The following IQCM variants were observed in gnomAD, a reference collection of about 807,000 sequenced individuals.
IQCM encodes IQ motif containing M.
In IQCM, 45 loss-of-function variants were observed where a neutral mutation model predicts 57.6. That is an observed-to-expected ratio of 0.78 (90% CI 0.62 to 1.00). The LOEUF is 1.00. Ranked by LOEUF, IQCM falls within the 50% of genes least tolerant of loss-of-function variation. The probability of loss-of-function intolerance (pLI) is 0.00; values close to 1 mark genes in which losing one functional copy is unlikely to be tolerated. For missense variants in IQCM, 468 were observed against 511.6 expected (o/e 0.91, Z 0.82); for synonymous variants, 148 against 158.9 (o/e 0.93, Z 0.51).
intron 7 of IQCM, among the ~76,000 whole-genome samples, chr4:149,658,151 AT>A (rs1162277805): frequency 6.6e-6 from 1 of 152,086 alleles, no homozygotes; most frequent in East Asian, 1.9e-4. Context: ...GATTTAAGTC[AT>A]TAGTCCATTT....
At chr4:149,404,985 A>G (rs1349694275) in intron 13 of IQCM, among the ~76,000 whole-genome samples, 2 of 152,086 alleles carry the variant, frequency 1.3e-5, no homozygotes, top group Non-Finnish European at 2.9e-5. Flanking sequence ...ATTTCCCATT[A>G]TGGAGAAGCA....
intron 5 of IQCM, among the ~76,000 whole-genome samples, chr4:149,702,129 T>C (rs1402829790): frequency 6.6e-6 from 1 of 151,960 alleles, no homozygotes; most frequent in Admixed American, 6.6e-5. Context: ...ATAGAATGAC[T>C]TATATCTGCC....
chr4:149,580,299 C>A (rs1752059553), intron 9 of IQCM, among the ~76,000 whole-genome samples: 1 of 151,688 alleles, frequency 6.6e-6, no homozygotes, highest in African/African-American at 2.4e-5. Flanking sequence ...TGGAGAATGG[C>A]AAATGCCCTC....
intron 12 of IQCM, among the ~76,000 whole-genome samples, chr4:149,435,625 C>A (rs1735285928): frequency 6.6e-6 from 1 of 150,420 alleles, no homozygotes; most frequent in South Asian, 2.1e-4. Flanking sequence ...ACGAGCTATT[C>A]CAGAAGAAAG....
intron 7 of IQCM, among the ~76,000 whole-genome samples, chr4:149,660,425 G>C (rs928321107): frequency 6.6e-6 from 1 of 151,572 alleles, no homozygotes; most frequent in Non-Finnish European, 1.5e-5. Context: ...TCAGTGTGGC[G>C]ATTCCTCAGG....
chr4:149,356,487 T>C (rs1462140698), intron 13 of IQCM, among the ~76,000 whole-genome samples: 1 of 152,040 alleles, frequency 6.6e-6, no homozygotes, highest in Non-Finnish European at 1.5e-5. Flanking sequence ...CCCAGCACCA[T>C]TTATTAAATA....
intron 2 of IQCM, among the ~76,000 whole-genome samples, chr4:149,768,357 C>T (rs1044343175): frequency 6.6e-6 from 1 of 152,030 alleles, no homozygotes; most frequent in Non-Finnish European, 1.5e-5. Context: ...ATTTTACTTT[C>T]TAGGTAGATC....
At chr4:149,378,098 G>T (rs374093439) in intron 13 of IQCM, among the ~76,000 whole-genome samples, 4 of 152,198 alleles carry the variant, frequency 2.6e-5, no homozygotes, top group South Asian at 2.1e-4. Context: ...TCATTCTCTT[G>T]TCTTGTCTGC....
chr4:149,579,088 C>A (rs113516121), intron 9 of IQCM, among the ~76,000 whole-genome samples: 19 of 151,898 alleles, frequency 1.3e-4, no homozygotes, highest in African/African-American at 4.6e-4. Flanking sequence ...TATGTGTGTT[C>A]TGTCTCTCTA....
At chr4:149,633,734 C>T (rs866786718) in intron 7 of IQCM, among the ~76,000 whole-genome samples, 6 of 152,294 alleles carry the variant, frequency 3.9e-5, no homozygotes, top group Middle Eastern at 3.4e-3. Flanking sequence ...AACTACTCTA[C>T]GACCTTAACC....
intron 2 of IQCM, among the ~76,000 whole-genome samples, chr4:149,790,538 T>C (rs1330635669): frequency 2.6e-5 from 4 of 152,204 alleles, no homozygotes; most frequent in Non-Finnish European, 5.9e-5. Context: ...CCTCATTTTG[T>C]AAGTTATCAT....
chr4:149,546,925 G>A (rs562051696), intron 12 of IQCM, among the ~76,000 whole-genome samples: 5 of 152,228 alleles, frequency 3.3e-5, no homozygotes, highest in African/African-American at 1.2e-4. Context: ...TATTGCCTAG[G>A]TTTTCTTCTA....
intron 2 of IQCM, among the ~76,000 whole-genome samples, chr4:149,756,789 T>G (rs986038877): frequency 2.0e-5 from 3 of 152,186 alleles, no homozygotes; most frequent in African/African-American, 7.2e-5. Flanking sequence ...TTCTGGGTCC[T>G]TAGCTTGTTT....
chr4:149,576,238 T>A (rs1241616568), intron 9 of IQCM, among the ~76,000 whole-genome samples: 1 of 151,760 alleles, frequency 6.6e-6, no homozygotes, highest in East Asian at 1.9e-4. Context: ...GAGTACAGAT[T>A]ATTTTGTCAC....
intron 12 of IQCM, among the ~76,000 whole-genome samples, chr4:149,467,403 G>A (rs574490450): frequency 9.2e-5 from 14 of 152,088 alleles, no homozygotes; most frequent in East Asian, 3.9e-4. Context: ...ACTATGTCCC[G>A]GGCACTGTTC....
At chr4:149,677,052 C>T (rs1761811789) in intron 7 of IQCM, among the ~76,000 whole-genome samples, 1 of 152,010 alleles carries the variant, frequency 6.6e-6, no homozygotes, top group Non-Finnish European at 1.5e-5. Flanking sequence ...CCACATTCTT[C>T]CTGGCACCAA....
chr4:149,525,435 A>C (rs1370141115), intron 12 of IQCM, among the ~76,000 whole-genome samples: 1 of 151,938 alleles, frequency 6.6e-6, no homozygotes, highest in Non-Finnish European at 1.5e-5. Flanking sequence ...CAAAAACTTT[A>C]TAACAGACAC....
At chr4:149,502,873 C>T (rs1579285250) in intron 12 of IQCM, among the ~76,000 whole-genome samples, 1 of 151,898 alleles carries the variant, frequency 6.6e-6, no homozygotes, top group Non-Finnish European at 1.5e-5. Context: ...GCTAGAAAAT[C>T]AGTATCCAAT....
chr4:149,638,893 G>C (rs1014376075), intron 7 of IQCM, among the ~76,000 whole-genome samples: 6 of 146,294 alleles, frequency 4.1e-5, no homozygotes, highest in African/African-American at 1.5e-4. Flanking sequence ...CCACTATCAG[G>C]GTTTAGTTTT....
Sources: allele counts gnomAD v4.1 joint callset (sites outside exome capture counted in the v4.1 genomes callset), GRCh38; gene constraint gnomAD v4.1.1; transcripts MANE v1.5; gene names NCBI Gene and HGNC (gene_info 2026-07-23, HGNC 2026-07-21).